Variants in CNOT10 observed in about 807,000 individuals in gnomAD.
CNOT10 encodes the protein CCR4-NOT transcription complex, subunit 10.
In CNOT10, 30 loss-of-function variants were observed where a neutral mutation model predicts 94.6. The ratio of observed to expected loss-of-function variants is 0.32; its 90% CI spans 0.24 to 0.43. CNOT10 has a LOEUF of 0.43. Ranked by LOEUF, CNOT10 falls within the 20% of genes least tolerant of loss-of-function variation. The pLI is 1.00. For missense variants in CNOT10, 759 were observed against 877.2 expected, an observed-to-expected ratio of 0.87 and a Z score of 1.70; for synonymous variants, 289 against 301.6, an observed-to-expected ratio of 0.96 and a Z score of 0.43.
At chr3:32,710,081 A>C (rs1310470414) in intron 4 of CNOT10, among the ~76,000 whole-genome samples, 2 of 143,650 alleles carry the variant, frequency 1.4e-5, no homozygotes, top group African/African-American at 5.1e-5. Flanking sequence ...CGAGAGGCCG[A>C]GGTTGCAGTG....
chr3:32,725,788 G>C (rs945116092), intron 9 of CNOT10, among the ~76,000 whole-genome samples, 189 bp downstream of exon 9: 1 of 152,182 alleles, frequency 6.6e-6, no homozygotes, highest in African/African-American at 2.4e-5. Context: ...AAGGTGTTAA[G>C]AGTAATTTTG....
intron 12 of CNOT10, among the ~76,000 whole-genome samples, chr3:32,736,235 C>T (rs943217693): frequency 3.3e-5 from 5 of 152,120 alleles, no homozygotes; most frequent in South Asian, 4.2e-4. Flanking sequence ...ATAGGCCCAG[C>T]GCCACTATGC....
At chr3:32,737,124 G>T (rs1234015000) in intron 12 of CNOT10, among the ~76,000 whole-genome samples, 1 of 152,126 alleles carries the variant, frequency 6.6e-6, no homozygotes, top group Non-Finnish European at 1.5e-5. Context: ...GACCAGCCTT[G>T]CTAACATGGT....
chr3:32,754,492 A>ATATATATATATATATATT (rs1700128961), intron 13 of CNOT10, among the ~76,000 whole-genome samples: 1 of 44,470 alleles, frequency 2.2e-5, no homozygotes, highest in African/African-American at 8.1e-5. Context: ...AAAAAAAAAT[A>ATATATATATATATATATT]CATATATATA....
At position 32,713,331 on chromosome 3, in the gene CNOT10, A is replaced by C; in HGVS notation, c.535A>C (p.Ile179Leu). Reference sequence around the variant, plus strand: ...TCTTCTTGCTGTCCTAGAAAAAATGATTTCACAGGGTAACAATAACAAAAA... The same window carrying C: ...TCTTCTTGCTGTCCTAGAAAAAATGCTTTCACAGGGTAACAATAACAAAAA... ...LHLLAVLEKM[I>L]SQGNNNKNGK... Residue 179 changes from isoleucine (I) to leucine (L), a missense_variant, in exon 5 of 19, where the codon ATT (isoleucine) becomes CTT (leucine). Around this residue, in one of 3 missense-constraint regions of CNOT10, gnomAD observed 682 missense variants for 799.4 expected, o/e 0.85. Coordinates refer to ENST00000328834, the MANE Select transcript of CNOT10 (RefSeq NM_015442.3). The C allele has an allele frequency of 1.1e-5, 17 of 1,604,106 alleles. No individual in the cohort carries two copies. Among genetic ancestry groups the C allele is most frequent in the Non-Finnish European group, 1.4e-5 (17 of 1,177,516 alleles).
chr3:32,759,442 C>G lies in CNOT10; in HGVS notation c.1596-16C>G. ...TTTAAAATGAGATTTTCGGCCCCTTCCCTTTTGTGTTATAGGTGCTCCATA... is the reference window on the plus strand; with the variant it reads ...TTTAAAATGAGATTTTCGGCCCCTTGCCTTTTGTGTTATAGGTGCTCCATA... On this transcript the variant is annotated splice_polypyrimidine_tract_variant and intron_variant, in intron 13 of 18. Coordinates refer to ENST00000328834, the MANE Select transcript of CNOT10 (RefSeq NM_015442.3). 6.4e-7 allele frequency: 1 copy of G among 1,573,034 alleles called. No individual in the cohort carries two copies. Among genetic ancestry groups the G allele is most frequent in the Non-Finnish European group, 8.7e-7 (1 of 1,149,096 alleles).
At chr3:32,751,439 T>A (rs1699962279) in intron 13 of CNOT10, among the ~76,000 whole-genome samples, 1 of 152,174 alleles carries the variant, frequency 6.6e-6, no homozygotes, top group African/African-American at 2.4e-5. Context: ...TGGTCATTTC[T>A]AAAATGGGAG....
At chr3:32,697,002 G>A (rs1697100107) in intron 1 of CNOT10, among the ~76,000 whole-genome samples, 1 of 151,338 alleles carries the variant, frequency 6.6e-6, no homozygotes, top group East Asian at 1.9e-4. Context: ...CCAGACTGGA[G>A]TGCAGTGGCG....
At chr3:32,732,529 T>C (rs1197180773) in intron 10 of CNOT10, among the ~76,000 whole-genome samples, 1 of 151,122 alleles carries the variant, frequency 6.6e-6, no homozygotes, top group Non-Finnish European at 1.5e-5. Context: ...GAAGTTGCAG[T>C]GAGCCGAGAT....
At chr3:32,766,677 G>T (rs75001019) in intron 17 of CNOT10, among the ~76,000 whole-genome samples, 3,319 of 148,904 alleles carry the variant, frequency 0.022, 49 homozygotes, top group East Asian at 0.048. Flanking sequence ...CTTTCAGAAA[G>T]CCAATACTAG....
chr3:32,728,832 T>C (rs1452860742), intron 10 of CNOT10, among the ~76,000 whole-genome samples: 2 of 150,518 alleles, frequency 1.3e-5, no homozygotes, highest in East Asian at 4.0e-4. Flanking sequence ...CCAGGTGCGG[T>C]GGTCACGCCT....
chr3:32,721,063 T>TC (rs1229823463), intron 8 of CNOT10, among the ~76,000 whole-genome samples: 2 of 123,422 alleles, frequency 1.6e-5, no homozygotes, highest in Admixed American at 8.2e-5. Flanking sequence ...TTCCTTTCTT[T>TC]TTTTTTTTTT....
intron 15 of CNOT10, among the ~76,000 whole-genome samples, chr3:32,763,208 A>G (rs1347138491): frequency 6.6e-6 from 1 of 152,134 alleles, no homozygotes; most frequent in African/African-American, 2.4e-5. Context: ...GTGGTGGCTC[A>G]CGCCTGTAAT....
Position 32,773,483 on chromosome 3 carries a change from A to C in CNOT10, c.2107A>C (p.Ile703Leu). 3 of 1,613,642 alleles carry C rather than the reference A, an allele frequency of 1.9e-6. No homozygotes were observed. Among genetic ancestry groups the C allele is most frequent in the East Asian group, 2.2e-5 (1 of 44,866 alleles). Residue 703 changes from isoleucine to leucine, a missense_variant, in exon 19 of 19, where the codon ATC becomes CTC. Coordinates refer to ENST00000328834, the MANE Select transcript of CNOT10 (RefSeq NM_015442.3). Reference protein sequence around the residue: ...NGNTQLALQIIKRNQLLPAVK... With the variant: ...NGNTQLALQILKRNQLLPAVK... ...TAATACTCAGCTGGCCTTACAGATC[A>C]TCAAAAGGAATCAGCTGCTCCCTGC...
At chr3:32,758,375 T>C (rs1188607825) in intron 13 of CNOT10, among the ~76,000 whole-genome samples, 3 of 152,196 alleles carry the variant, frequency 2.0e-5, no homozygotes, top group Non-Finnish European at 2.9e-5. Flanking sequence ...GGTAGTTTTC[T>C]AAGATTCTAG....
chr3:32,728,156 C>T (rs1051860666), intron 10 of CNOT10, among the ~76,000 whole-genome samples: 3 of 151,816 alleles, frequency 2.0e-5, no homozygotes. Context: ...GCCACCACGC[C>T]CAGCTAATTT....
At chr3:32,689,809 G>A (rs1400623052) in intron 1 of CNOT10, among the ~76,000 whole-genome samples, 1 of 152,082 alleles carries the variant, frequency 6.6e-6, no homozygotes, top group East Asian at 1.9e-4. Flanking sequence ...AAAAAAATTA[G>A]CTAGGCATGG....
At chr3:32,700,720 A>G (rs1280788922) in intron 1 of CNOT10, among the ~76,000 whole-genome samples, 2 of 152,206 alleles carry the variant, frequency 1.3e-5, no homozygotes, top group African/African-American at 2.4e-5. Context: ...TATAAATAAG[A>G]AATTCAAATA....
chr3:32,737,621 G>A (rs1338280766), intron 13 of CNOT10, 131 bp downstream of exon 13: 10 of 538,500 alleles, frequency 1.9e-5, no homozygotes, highest in East Asian at 1.0e-4. Context: ...TCAGGAGTTC[G>A]AGACCAGCCT....
Sources: allele counts gnomAD v4.1 joint callset (sites outside exome capture counted in the v4.1 genomes callset), GRCh38; gene constraint gnomAD v4.1.1; regional missense constraint gnomAD v4.1.1; transcripts MANE v1.5; gene names NCBI Gene and HGNC (gene_info 2026-07-23, HGNC 2026-07-21).